PHKB: variants seen among roughly 807,000 people sequenced by gnomAD.
PHKB encodes the protein phosphorylase kinase regulatory subunit beta.
PHKB carries 122 observed loss-of-function variants against 152.1 expected under a neutral mutation model. That is an observed-to-expected ratio of 0.80 (90% CI 0.69 to 0.93). The LOEUF (loss-of-function observed/expected upper bound fraction) is 0.93, where lower values mean the gene tolerates loss of function less well. Ranked by LOEUF, PHKB falls within the 40% of genes least tolerant of loss-of-function variation. The pLI is 0.00. For synonymous variants in PHKB, 436 were observed against 464.9 expected, an observed-to-expected ratio of 0.94 and a Z score of 0.80; for missense variants, 1,304 against 1,328.4, an observed-to-expected ratio of 0.98 and a Z score of 0.29.
intron 1 of PHKB, chr16:47,464,024 T>G: frequency 7.5e-7 from 1 of 1,338,820 alleles, no homozygotes; most frequent in Non-Finnish European, 1.1e-6. Context: ...AAGGGTCACT[T>G]GGTAATTTTA....
chr16:47,598,684 G>A (rs1469962412), intron 13 of PHKB: 5 of 1,552,412 alleles, frequency 3.2e-6, no homozygotes, highest in Non-Finnish European at 2.7e-6. Context: ...ATCGGCAGGA[G>A]GCTCTTCCAC....
At chr16:47,601,580 C>G (rs140665052) in intron 13 of PHKB, among the ~76,000 whole-genome samples, 7 of 152,146 alleles carry the variant, frequency 4.6e-5, no homozygotes, top group Non-Finnish European at 1.0e-4. Flanking sequence ...TGGCACGCAC[C>G]TGTAGTCCCA....
chr16:47,497,347 T>C, intron 1 of PHKB, 52 bp from the exon 2 acceptor site: 1 of 1,135,140 alleles, frequency 8.8e-7, no homozygotes, highest in South Asian at 1.3e-5. Flanking sequence ...TTTTTCTTTG[T>C]TTATCTTTGT....
intron 1 of PHKB, among the ~76,000 whole-genome samples, chr16:47,481,804 G>C (rs564955835): frequency 6.6e-6 from 1 of 152,300 alleles, no homozygotes; most frequent in East Asian, 1.9e-4. Context: ...AGAGAGCCCA[G>C]GTCTTGAAAG....
chr16:47,532,080 A>T lies in PHKB; in HGVS notation c.595-15353A>T, dbSNP rs188920044. On this transcript the variant is annotated intron_variant, in intron 6 of 30. Coordinates refer to ENST00000323584, the MANE Select transcript of PHKB (RefSeq NM_000293.3). ...ATCAATTTAAAAAACCCTCAATTTA[A>T]AAAACAGGAAATTAGGACCCCTAAT... is the stretch of plus-strand genomic sequence containing the variant. Among the ~76,000 whole-genome samples the T allele has an allele frequency of 2.2e-3, 336 of 152,318 alleles. 4 individuals carry two copies. Among genetic ancestry groups the T allele is most frequent in the African/African-American group, 7.9e-3 (330 of 41,572 alleles).
intron 13 of PHKB, among the ~76,000 whole-genome samples, chr16:47,597,166 A>T (rs1297978588): frequency 6.6e-6 from 1 of 152,184 alleles, no homozygotes; most frequent in Non-Finnish European, 1.5e-5. Flanking sequence ...TACATCAAAA[A>T]GGCTATCACT....
intron 7 of PHKB, chr16:47,566,726 A>C: frequency 1.3e-6 from 1 of 768,370 alleles, no homozygotes; most frequent in Non-Finnish European, 2.4e-6. Context: ...CTTCATCATT[A>C]CTGTTCCAAG....
At chr16:47,578,317 A>G (rs1296389333) in intron 7 of PHKB, among the ~76,000 whole-genome samples, 1 of 152,052 alleles carries the variant, frequency 6.6e-6, no homozygotes, top group African/African-American at 2.4e-5. Flanking sequence ...GTTAGCATCC[A>G]TTGATTGTAT....
chr16:47,543,604 A>G (rs1261107255), intron 6 of PHKB, among the ~76,000 whole-genome samples: 1 of 152,182 alleles, frequency 6.6e-6, no homozygotes, highest in African/African-American at 2.4e-5. Context: ...CCTCTGGTAC[A>G]ATTCGGCTGT....
chr16:47,497,466 G>A lies in PHKB; in HGVS notation c.144G>A (p.Lys48=). Residue 48 remains lysine (K), a synonymous_variant, in exon 2 of 31, where the codon AAG becomes AAA. Coordinates refer to ENST00000323584, the MANE Select transcript of PHKB (RefSeq NM_000293.3). ...CTGATAATGAAACTCTCTGGGATAA[G>A]TTGGACCATTATTACAGAATTGGTG... ...PRPDNETLWD[K]LDHYYRIVKS... is the part of the protein sequence containing the mutation. 5 of 1,606,986 alleles carry A rather than the reference G, an allele frequency of 3.1e-6. No homozygotes were observed. The highest frequency in any genetic ancestry group is 3.4e-6 in the Non-Finnish European group (4 of 1,175,190).
intron 6 of PHKB, among the ~76,000 whole-genome samples, chr16:47,531,030 C>T (rs1335290100): frequency 2.6e-5 from 4 of 152,038 alleles, no homozygotes; most frequent in Non-Finnish European, 4.4e-5. Flanking sequence ...AGGGAGACTT[C>T]CTTTACCTGA....
At chr16:47,671,542 G>C (rs977257819) in intron 26 of PHKB, among the ~76,000 whole-genome samples, 5 of 152,106 alleles carry the variant, frequency 3.3e-5, no homozygotes, top group Middle Eastern at 3.4e-3. Flanking sequence ...TTGTTGGGTT[G>C]AGCTCCTTTT....
intron 26 of PHKB, among the ~76,000 whole-genome samples, chr16:47,679,378 G>A (rs567338115): frequency 3.9e-5 from 6 of 152,240 alleles, no homozygotes; most frequent in South Asian, 2.1e-4. Context: ...CCATTTTCAC[G>A]ATATTGATTC....
intron 13 of PHKB, 130 bp from the exon 14 acceptor site, chr16:47,610,696 G>A: frequency 1.4e-6 from 1 of 696,440 alleles, no homozygotes; most frequent in Non-Finnish European, 2.6e-6. Context: ...ATATCCTGGT[G>A]GAGGATGTTT....
intron 20 of PHKB, among the ~76,000 whole-genome samples, chr16:47,656,876 G>C (rs1004120505): frequency 1.3e-5 from 2 of 152,024 alleles, no homozygotes; most frequent in Non-Finnish European, 2.9e-5. Flanking sequence ...CTTGCAGTTC[G>C]TTGCTAGCCA....
intron 20 of PHKB, among the ~76,000 whole-genome samples, chr16:47,653,364 C>T (rs1973274125): frequency 6.6e-6 from 1 of 152,120 alleles, no homozygotes; most frequent in African/African-American, 2.4e-5. Flanking sequence ...TCTCAAAAAT[C>T]AGGGAGCTGG....
intron 1 of PHKB, chr16:47,463,504 T>C (rs1195794073): frequency 1.7e-5 from 3 of 179,390 alleles, no homozygotes; most frequent in Non-Finnish European, 3.6e-5. Flanking sequence ...AGCAATCAAC[T>C]TGATTCTGTT....
intron 6 of PHKB, among the ~76,000 whole-genome samples, chr16:47,541,729 G>A (rs1971062735): frequency 6.6e-6 from 1 of 152,156 alleles, no homozygotes; most frequent in Non-Finnish European, 1.5e-5. Flanking sequence ...GTTTTGATTT[G>A]CATTTCTCTG....
At chr16:47,461,933 T>C (rs929484606) in intron 1 of PHKB, among the ~76,000 whole-genome samples, 2 of 152,164 alleles carry the variant, frequency 1.3e-5, no homozygotes, top group African/African-American at 4.8e-5. Context: ...CTGTCATCTA[T>C]CTAGCAGAAA....
Sources: gnomAD v4.1 joint callset for allele counts (sites outside exome capture counted in the v4.1 genomes callset) on GRCh38, gnomAD v4.1.1 for gene constraint, MANE v1.5 for transcripts, NCBI Gene and HGNC (gene_info 2026-07-23, HGNC 2026-07-21) for gene names.